The following UGGT1 variants were observed in gnomAD, a reference collection of about 807,000 sequenced individuals.
UGGT1 encodes the protein UDP-glucose glycoprotein glucosyltransferase 1.
A neutral mutation model predicts 203.9 loss-of-function variants in UGGT1; 107 were observed. That is an observed-to-expected ratio of 0.52 (90% CI 0.45 to 0.62). UGGT1 has a LOEUF of 0.62. UGGT1 is among the 20% of genes least tolerant of loss of function. The pLI is 0.00. For synonymous variants in UGGT1, 628 were observed against 653.5 expected, an observed-to-expected ratio of 0.96 and a Z score of 0.59; for missense variants, 1,673 against 1,867.2, an observed-to-expected ratio of 0.90 and a Z score of 1.92.
chr2:128,113,066 TTTA>T lies in UGGT1; in HGVS notation c.522-12_522-10del. 1 of 1,460,488 alleles carries T rather than the reference TTTA, an allele frequency of 6.8e-7. No homozygotes were observed. 90.5% of individuals were successfully genotyped at this position (1,460,488 alleles called of 1,614,324 possible). On this transcript the variant is annotated splice_polypyrimidine_tract_variant and intron_variant, in intron 5 of 40. Coordinates refer to ENST00000259253, the MANE Select transcript of UGGT1 (RefSeq NM_020120.4). ...ACAATTATTTTTAAAGTTTTGAGCTTTTATTATTTATTTTCAGACCCAAACCTT... is the reference window on the plus strand; with the variant it reads ...ACAATTATTTTTAAAGTTTTGAGCTTTTATTTATTTTCAGACCCAAACCTT...
At chr2:128,177,162 A>G (rs753813521) in intron 32 of UGGT1, among the ~76,000 whole-genome samples, 1 of 152,080 alleles carries the variant, frequency 6.6e-6, no homozygotes, top group South Asian at 2.1e-4. Context: ...TATAGCCACA[A>G]TTCATAGTGT....
rs1553433490 is a variant in UGGT1, at chr2:128,112,454, T to TATATATA, written c.522-630_522-629insATATATA. ...AAAAAACCCCCCAAAAAATACTATG[T>TATATATA]TATATATATATATATATATTACATA... On this transcript the variant is annotated intron_variant, in intron 5 of 40. Coordinates refer to ENST00000259253, the MANE Select transcript of UGGT1 (RefSeq NM_020120.4). 5.1e-3 allele frequency among the ~76,000 whole-genome samples: 287 copies of TATATATA among 55,806 alleles called. 12 individuals carry two copies. The highest frequency in any genetic ancestry group is 0.013 in the African/African-American group (247 of 18,908). 36.6% of individuals were successfully genotyped at this position (55,806 alleles called of 152,430 possible).
At chr2:128,092,854 A>G (rs1363576433) in intron 1 of UGGT1, among the ~76,000 whole-genome samples, 1 of 152,024 alleles carries the variant, frequency 6.6e-6, no homozygotes, top group African/African-American at 2.4e-5. Flanking sequence ...AACTTGTTAA[A>G]GAGTGTTTTC....
At chr2:128,187,048 C>G (rs1692018677) in intron 39 of UGGT1, among the ~76,000 whole-genome samples, 1 of 152,020 alleles carries the variant, frequency 6.6e-6, no homozygotes, top group African/African-American at 2.4e-5. Flanking sequence ...TGGGGCTATT[C>G]TTATAGAATA....
chr2:128,172,421 T>G (rs1181350181), intron 28 of UGGT1, 152 bp from the exon 29 acceptor site: 1 of 1,139,010 alleles, frequency 8.8e-7, no homozygotes, highest in Non-Finnish European at 1.2e-6. Flanking sequence ...CATCATAAGG[T>G]CAAAGATGGT....
chr2:128,135,029 A>C lies in UGGT1; in HGVS notation c.1583+68A>C, dbSNP rs1689070648. The C allele has an allele frequency of 2.2e-6, 3 of 1,340,284 alleles. No homozygotes were observed. The African/African-American group carries it at 4.3e-5, about 19-fold the overall frequency. 83.0% of individuals were successfully genotyped at this position (1,340,284 alleles called of 1,614,324 possible). A position where few individuals can be genotyped will look rare whatever the true frequency, so the allele number is the denominator to read the frequency against. On this transcript the variant is annotated intron_variant, in intron 15 of 40. Transcript: ENST00000259253. Reference sequence around the variant, plus strand: ...GGTTTTATTTGTCATTTTTAAATGCAAGTCTGGTGCTACTGAGTTGTAGGA... The same window carrying C: ...GGTTTTATTTGTCATTTTTAAATGCCAGTCTGGTGCTACTGAGTTGTAGGA...
chr2:128,130,358 T>A (rs1688815306), intron 13 of UGGT1, among the ~76,000 whole-genome samples: 1 of 152,186 alleles, frequency 6.6e-6, no homozygotes, highest in Admixed American at 6.5e-5. Flanking sequence ...TATTTTTTCT[T>A]GGTTTCTGTA....
intron 11 of UGGT1, among the ~76,000 whole-genome samples, chr2:128,124,807 C>G (rs1468580686): frequency 6.6e-6 from 1 of 151,790 alleles, no homozygotes; most frequent in Admixed American, 6.6e-5. Flanking sequence ...TCCCGTGTAT[C>G]TCTGAAGATA....
chr2:128,177,643 A>G (rs1691467040), intron 32 of UGGT1, among the ~76,000 whole-genome samples, 189 bp from the exon 33 acceptor site: 1 of 152,204 alleles, frequency 6.6e-6, no homozygotes, highest in Non-Finnish European at 1.5e-5. Flanking sequence ...ACATAAGGTT[A>G]TGATGTGAAT....
chr2:128,115,027 A>G (rs1688034220), intron 6 of UGGT1, 97 bp from the exon 7 acceptor site: 1 of 1,007,994 alleles, frequency 9.9e-7, no homozygotes, highest in Non-Finnish European at 1.5e-6. Context: ...AATCCGAGGT[A>G]ATGGCTAGTA....
intron 5 of UGGT1, among the ~76,000 whole-genome samples, chr2:128,111,798 A>G (rs1041497006): frequency 6.6e-6 from 1 of 150,866 alleles, no homozygotes; most frequent in African/African-American, 2.4e-5. Context: ...ACCGGCCTAT[A>G]CTTATATTTT....
In UGGT1 at chr2:128,134,952, T is replaced by C. The variant is rs199990012; in HGVS notation, c.1574T>C (p.Ile525Thr). 9 of 1,611,812 alleles carry C rather than the reference T, an allele frequency of 5.6e-6. No individual in the cohort carries two copies. The highest frequency in any genetic ancestry group is 1.6e-4 in the Middle Eastern group (1 of 6,062). ...GCTGAGATGTTCCTTAGTAATCATA[T>C]ACCACTAAGGTAACACTGGTATTGA... is the stretch of plus-strand genomic sequence containing the variant. ...NTAEMFLSNH[I>T]PLRIGFIFVV... The change falls in exon 15 of 41, where the codon ATA becomes ACA. Residue 525 changes from isoleucine to threonine, a missense_variant. Physicochemically the swap from Ile to Thr is moderately conservative, Grantham distance 89 (BLOSUM62 -1). Coordinates refer to ENST00000259253, the MANE Select transcript of UGGT1 (RefSeq NM_020120.4).
intron 28 of UGGT1, 138 bp downstream of exon 28, chr2:128,171,422 C>T (rs1691096434): frequency 2.0e-5 from 16 of 796,510 alleles, no homozygotes; most frequent in Non-Finnish European, 2.7e-5. Flanking sequence ...TCAGTTTTGC[C>T]AAATTTCATT....
chr2:128,181,309 T>C (rs1020490105), intron 36 of UGGT1, among the ~76,000 whole-genome samples: 2 of 152,254 alleles, frequency 1.3e-5, no homozygotes, highest in African/African-American at 4.8e-5. Context: ...TGCAGTTTTG[T>C]ATCTGACTTA....
Position 128,133,280 on chromosome 2 carries a change from TG to T in UGGT1, c.1497+22del. 3 of 1,601,318 alleles carry T rather than the reference TG, an allele frequency of 1.9e-6. No homozygotes were observed. Among genetic ancestry groups the T allele is most frequent in the Non-Finnish European group, 2.6e-6 (3 of 1,175,910 alleles). On this transcript the variant is annotated intron_variant, in intron 14 of 40. Transcript: ENST00000259253. ...AATATGGTAAGTAAAACTTATTGTCTGGCTGTGAACTCTGTTTCTCCCTTGC... is the reference window on the plus strand; with the variant it reads ...AATATGGTAAGTAAAACTTATTGTCTGCTGTGAACTCTGTTTCTCCCTTGC...
intron 26 of UGGT1, among the ~76,000 whole-genome samples, chr2:128,168,262 A>C (rs1167426200): frequency 6.6e-6 from 1 of 152,208 alleles, no homozygotes; most frequent in Non-Finnish European, 1.5e-5. Context: ...CTTTGAGAAC[A>C]GTTGTATTAG....
At chr2:128,171,086 T>C (rs896620739) in intron 27 of UGGT1, 119 bp from the exon 28 acceptor site, 2 of 911,146 alleles carry the variant, frequency 2.2e-6, no homozygotes, top group Non-Finnish European at 3.3e-6. Flanking sequence ...GTTTCGCCAG[T>C]GCAGACTCTG....
At chr2:128,149,371 G>A (rs1219987119) in intron 18 of UGGT1, among the ~76,000 whole-genome samples, 2 of 150,086 alleles carry the variant, frequency 1.3e-5, no homozygotes, top group South Asian at 2.1e-4. Flanking sequence ...TAGGCCGGGC[G>A]CGATGGCTCA....
At chr2:128,113,344 T>TA in intron 6 of UGGT1, 86 bp downstream of exon 6, 2 of 1,105,722 alleles carry the variant, frequency 1.8e-6, no homozygotes, top group Non-Finnish European at 2.4e-6. Context: ...TCCCTCTTTA[T>TA]AAAAAAATCT....
Sources: allele counts gnomAD v4.1 joint callset (sites outside exome capture counted in the v4.1 genomes callset), GRCh38; gene constraint gnomAD v4.1.1; transcripts MANE v1.5; gene names NCBI Gene and HGNC (gene_info 2026-07-23, HGNC 2026-07-21).